The following EFCAB6 variants were observed in gnomAD, a reference collection of about 807,000 sequenced individuals.
The protein encoded by EFCAB6 is EF-hand calcium-binding domain-containing protein 6.
A neutral mutation model predicts 169.8 loss-of-function variants in EFCAB6; 156 were observed. The observed-to-expected ratio is 0.92, with a 90% CI of 0.81 to 1.05. The LOEUF is 1.05. Ranked by LOEUF, EFCAB6 falls within the 50% of genes least tolerant of loss-of-function variation. EFCAB6 has a pLI of 0.00. For synonymous variants in EFCAB6, 698 were observed against 676.4 expected (o/e 1.03, Z -0.50); for missense variants, 1,800 against 1,829.1 (o/e 0.98, Z 0.29).
At chr22:43,757,625 A>G (rs1603338876) in intron 5 of EFCAB6, among the ~76,000 whole-genome samples, 2 of 152,324 alleles carry the variant, frequency 1.3e-5, no homozygotes, top group East Asian at 3.9e-4. Context: ...AGCTGCAGCA[A>G]TGGAACACAG....
chr22:43,705,607 C>T (rs527310823), intron 10 of EFCAB6, among the ~76,000 whole-genome samples: 1 of 152,140 alleles, frequency 6.6e-6, no homozygotes, highest in African/African-American at 2.4e-5. Flanking sequence ...GGAAATTAAA[C>T]AATATGCTCT....
At chr22:43,679,796 A>T (rs1018430341) in intron 12 of EFCAB6, among the ~76,000 whole-genome samples, 2 of 152,080 alleles carry the variant, frequency 1.3e-5, no homozygotes, top group African/African-American at 4.8e-5. Context: ...TCTTGGGTAA[A>T]ATGTCTATTA....
intron 19 of EFCAB6, 84 bp downstream of exon 19, chr22:43,632,021 C>T (rs2054982068): frequency 1.3e-6 from 2 of 1,552,356 alleles, no homozygotes; most frequent in South Asian, 1.2e-5. Flanking sequence ...ACATGACCTA[C>T]ACCAGGACTC....
intron 9 of EFCAB6, among the ~76,000 whole-genome samples, chr22:43,716,138 T>A (rs2059325020): frequency 6.6e-6 from 1 of 152,240 alleles, no homozygotes; most frequent in South Asian, 2.1e-4. Flanking sequence ...AATACATGTT[T>A]ACCCACATTA....
chr22:43,600,391 G>A (rs2052412707), intron 22 of EFCAB6, 128 bp from the exon 23 acceptor site: 1 of 952,690 alleles, frequency 1.0e-6, no homozygotes, highest in African/African-American at 1.6e-5. Context: ...CTCGGAGCAT[G>A]CCCTGTGGGC....
At chr22:43,786,460 G>A (rs569273718) in intron 2 of EFCAB6, among the ~76,000 whole-genome samples, 139 of 151,818 alleles carry the variant, frequency 9.2e-4, no homozygotes, top group African/African-American at 3.1e-3. Flanking sequence ...AGTGGCTCAC[G>A]CCTGTAATCC....
intron 6 of EFCAB6, among the ~76,000 whole-genome samples, chr22:43,751,253 G>A (rs562684505): frequency 1.3e-5 from 2 of 152,314 alleles, no homozygotes; most frequent in South Asian, 4.1e-4. Context: ...TTCCTATACA[G>A]GTCAGAATAG....
intron 17 of EFCAB6, among the ~76,000 whole-genome samples, chr22:43,638,819 C>T (rs1475914293): frequency 8.9e-5 from 13 of 146,892 alleles, no homozygotes; most frequent in Non-Finnish European, 3.0e-5. Flanking sequence ...GAGTTTCGCT[C>T]TTGTTGCCCA....
intron 8 of EFCAB6, among the ~76,000 whole-genome samples, chr22:43,729,045 G>A (rs1386534361): frequency 6.6e-6 from 1 of 152,172 alleles, no homozygotes; most frequent in Non-Finnish European, 1.5e-5. Context: ...ACTGGTGGTG[G>A]AAGGTGAACA....
intron 10 of EFCAB6, among the ~76,000 whole-genome samples, chr22:43,693,311 A>G (rs2058471088): frequency 6.6e-6 from 1 of 151,922 alleles, no homozygotes; most frequent in African/African-American, 2.4e-5. Context: ...TACCTTCAAT[A>G]TGCTGTGATG....
intron 10 of EFCAB6, among the ~76,000 whole-genome samples, chr22:43,698,688 C>A (rs534655524): frequency 6.6e-6 from 1 of 152,212 alleles, no homozygotes; most frequent in Admixed American, 6.5e-5. Context: ...ATGCCTTAAC[C>A]CAGCTGTGGT....
At chr22:43,707,788 G>C (rs2147337210) in intron 10 of EFCAB6, among the ~76,000 whole-genome samples, 1 of 152,186 alleles carries the variant, frequency 6.6e-6, no homozygotes, top group Admixed American at 6.5e-5. Flanking sequence ...AAAGGAGAGA[G>C]GTTTCTGAGG....
chr22:43,750,950 T>C (rs957219762), intron 6 of EFCAB6, among the ~76,000 whole-genome samples: 3 of 152,282 alleles, frequency 2.0e-5, no homozygotes, highest in Middle Eastern at 3.4e-3. Flanking sequence ...GGTAATCCCA[T>C]AAAAACCTGT....
chr22:43,559,894 G>A (rs752004507), intron 26 of EFCAB6, among the ~76,000 whole-genome samples: 3 of 152,122 alleles, frequency 2.0e-5, no homozygotes, highest in Non-Finnish European at 4.4e-5. Flanking sequence ...GAAAGCATTA[G>A]GACAAATACC....
At chr22:43,789,257 T>C (rs759833137) in intron 2 of EFCAB6, among the ~76,000 whole-genome samples, 3 of 152,096 alleles carry the variant, frequency 2.0e-5, no homozygotes, top group Non-Finnish European at 4.4e-5. Context: ...TTTGAAAGGA[T>C]GTGAATTTTA....
At chr22:43,731,883 C>T in intron 7 of EFCAB6, 72 bp from the exon 8 acceptor site, 1 of 800,124 alleles carries the variant, frequency 1.2e-6, no homozygotes, top group Admixed American at 3.4e-5. Flanking sequence ...ACTAAGGTAT[C>T]CTTTACACTC....
At position 43,700,182 on chromosome 22, in the gene EFCAB6, C is replaced by G. The variant is rs187046862; in HGVS notation, c.1031+11293G>C. On this transcript the variant is annotated intron_variant, in intron 10 of 31. Coordinates refer to ENST00000262726, the MANE Select transcript of EFCAB6 (RefSeq NM_022785.4). ...CTACACACATGCACATACACACACA[C>G]AGAAAACAGCTTTTTAAAGTCTAAA... 4.3e-4 allele frequency among the ~76,000 whole-genome samples: 66 copies of G among 152,230 alleles called. No homozygotes were observed. In the East Asian group the frequency reaches 0.013, roughly 29 times the overall value.
At chr22:43,588,203 G>A (rs4823120) in intron 24 of EFCAB6, among the ~76,000 whole-genome samples, 41,876 of 152,086 alleles carry the variant, frequency 0.28, 6,398 homozygotes, top group East Asian at 0.62. Flanking sequence ...CCACCTATCT[G>A]TGTAGAACTT....
chr22:43,673,530 C>T (rs1410409129), intron 13 of EFCAB6, among the ~76,000 whole-genome samples: 1 of 152,176 alleles, frequency 6.6e-6, no homozygotes, highest in African/African-American at 2.4e-5. Context: ...AATCCCAACA[C>T]TTTGGGAGGC....
Sources: gnomAD v4.1 joint callset for allele counts (sites outside exome capture counted in the v4.1 genomes callset) on GRCh38, gnomAD v4.1.1 for gene constraint, MANE v1.5 for transcripts, NCBI Gene and HGNC (gene_info 2026-07-23, HGNC 2026-07-21) for gene names.